The following POLR1A variants were observed in gnomAD, a reference collection of about 807,000 sequenced individuals.
POLR1A encodes the protein RNA polymerase I subunit A.
POLR1A carries 84 observed loss-of-function variants against 205.3 expected under a neutral mutation model. The ratio of observed to expected loss-of-function variants is 0.41; its 90% CI spans 0.34 to 0.49. The LOEUF is 0.49. POLR1A is among the 20% of genes least tolerant of loss of function. The pLI, the probability that POLR1A is intolerant of heterozygous loss-of-function variation, is 0.22. For synonymous variants in POLR1A, 799 were observed against 863.7 expected, an observed-to-expected ratio of 0.93 and a Z score of 1.31; for missense variants, 1,645 against 2,204.5, an observed-to-expected ratio of 0.75 and a Z score of 5.08.
chr2:86,069,547 G>A (rs932036582), intron 13 of POLR1A, among the ~76,000 whole-genome samples: 23 of 152,208 alleles, frequency 1.5e-4, no homozygotes, highest in African/African-American at 5.3e-4. Context: ...AGGATTCAAA[G>A]GGGACAGAAG....
intron 3 of POLR1A, among the ~76,000 whole-genome samples, chr2:86,091,045 C>A (rs1418997627): frequency 6.6e-6 from 1 of 152,156 alleles, no homozygotes; most frequent in Non-Finnish European, 1.5e-5. Flanking sequence ...TCTTCACCCC[C>A]CAACACATAA....
rs1025763461 is a variant in POLR1A at position 86,026,033 on chromosome 2, C to G, written c.*1390G>C. 2.6e-5 allele frequency: 4 copies of G among 152,364 alleles called. No individual in the cohort carries two copies. Among genetic ancestry groups the G allele is most frequent in the African/African-American group, 7.2e-5 (3 of 41,452 alleles). The allele number at this position is 152,364 out of a possible 1,614,324, so 9.4% of individuals were successfully genotyped here. ...GCCTCCCTTGATCCCCAACCCTACC[C>G]CTAAGGTCACAGCAGCAGCCTCCCC... On this transcript the variant is annotated 3_prime_UTR_variant, in exon 34 of 34. Coordinates refer to ENST00000263857, the MANE Select transcript of POLR1A (RefSeq NM_015425.6).
In POLR1A at chr2:86,105,855, C is replaced by G. The variant is rs1035969373; in HGVS notation, c.-79G>C. 12 of 1,283,234 alleles carry G rather than the reference C, an allele frequency of 9.4e-6. No homozygotes were observed. Among genetic ancestry groups the G allele is most frequent in the African/African-American group, 5.9e-5 (4 of 68,226 alleles). 79.5% of individuals were successfully genotyped at this position (1,283,234 alleles called of 1,614,324 possible). ...TGACTATTCTTAATTCAACCTCAAG[C>G]CCGGAGTCACCACGCGATTCAACGT... On this transcript the variant is annotated 5_prime_UTR_variant, in exon 1 of 34. Transcript: ENST00000263857.
In POLR1A at chr2:86,027,205, C is replaced by G. The variant is rs537960673; in HGVS notation, c.*218G>C. Reference sequence around the variant, plus strand: ...GTAAACCTTGATAAAAATCCAGAGACAGGGAGGGGCAAGGATGAGCAACTC... The same window carrying G: ...GTAAACCTTGATAAAAATCCAGAGAGAGGGAGGGGCAAGGATGAGCAACTC... On this transcript the variant is annotated 3_prime_UTR_variant, in exon 34 of 34. Transcript: ENST00000263857. 4.4e-5 allele frequency: 26 copies of G among 584,880 alleles called. No individual in the cohort carries two copies. The South Asian group carries it at 5.4e-4, about 12-fold the overall frequency. 36.2% of individuals were successfully genotyped at this position (584,880 alleles called of 1,614,324 possible).
In POLR1A at chr2:86,039,516, T is replaced by C. The variant is rs1672561798; in HGVS notation, c.3741-54A>G. 3.7e-6 allele frequency: 6 copies of C among 1,604,558 alleles called. 1 individual carries two copies. In the South Asian group the frequency reaches 5.5e-5, roughly 15 times the overall value. On this transcript the variant is annotated intron_variant, in intron 25 of 33. Coordinates refer to ENST00000263857, the MANE Select transcript of POLR1A (RefSeq NM_015425.6). ...ATGAGTGGCAACCAGACCTTCTGTT[T>C]GGGTGCAGCTTCTCCTAATGATGTC...
At chr2:86,104,879 G>A (rs1246773745) in intron 1 of POLR1A, among the ~76,000 whole-genome samples, 2 of 152,226 alleles carry the variant, frequency 1.3e-5, no homozygotes. Flanking sequence ...ATAAATTTGC[G>A]TTGGGGATTT....
rs1690199688 is a variant in POLR1A at position 86,023,643 on chromosome 2, C to T, written c.*3780G>A. 6.6e-6 allele frequency: 1 copy of T among 152,118 alleles called. No individual in the cohort carries two copies. The highest frequency in any genetic ancestry group is 1.5e-5 in the Non-Finnish European group (1 of 68,036). The allele number at this position is 152,118 out of a possible 1,614,324, so 9.4% of individuals were successfully genotyped here. A position where few individuals can be genotyped will look rare whatever the true frequency, so the allele number is the denominator to read the frequency against. On this transcript the variant is annotated 3_prime_UTR_variant, in exon 34 of 34. Transcript: ENST00000263857. ...TTGGTGGGAACATAAAATGGTGTAGCTGCTGTGGAAAATGGGACAGCAGTT... is the reference window on the plus strand; with the variant it reads ...TTGGTGGGAACATAAAATGGTGTAGTTGCTGTGGAAAATGGGACAGCAGTT...
chr2:86,068,391 G>T (rs554152231), intron 13 of POLR1A, among the ~76,000 whole-genome samples: 20 of 116,386 alleles, frequency 1.7e-4, no homozygotes, highest in Non-Finnish European at 2.9e-4. Context: ...ATGGGCGGGG[G>T]GGGGGGGCGG....
chr2:86,033,873 T>A, intron 27 of POLR1A, 86 bp from the exon 28 acceptor site: 2 of 1,504,890 alleles, frequency 1.3e-6, no homozygotes, highest in Non-Finnish European at 1.8e-6. Context: ...CGCTGAGGGA[T>A]TCCCACAGGG....
In POLR1A at chr2:86,052,896, G is replaced by A. The variant is rs1407913008; in HGVS notation, c.2313C>T (p.Gly771=). The A allele has an allele frequency of 5.0e-6, 8 of 1,608,004 alleles. No individual in the cohort carries two copies. Among genetic ancestry groups the A allele is most frequent in the Non-Finnish European group, 5.9e-6 (7 of 1,177,154 alleles). ...AGGTTAGAACCTTGCCGCTGGTCTC[G>A]CCTCCATAGATCTCATAGCAGCAGT... The part of the protein sequence containing the change: ...LVHCCYEIYG[G]ETSGKVLTCL... The change falls in exon 16 of 34, where the codon GGC becomes GGT. Residue 771 remains glycine (G), a synonymous_variant. Coordinates refer to ENST00000263857, the MANE Select transcript of POLR1A (RefSeq NM_015425.6).
chr2:86,049,227 A>G lies in POLR1A; in HGVS notation c.2408T>C (p.Leu803Ser). 1 of 1,613,602 alleles carries G rather than the reference A, an allele frequency of 6.2e-7. No homozygotes were observed. Among genetic ancestry groups the G allele is most frequent in the Non-Finnish European group, 8.5e-7 (1 of 1,179,498 alleles). Reference protein sequence around the residue: ...RGFTLGVEDILVKPKADVKRQ... With the variant: ...RGFTLGVEDISVKPKADVKRQ... ...CTTGACATCTGCCTTTGGCTTCACCAAAATGTCTTCCACGCCTGTGAAGTG... is the reference window on the plus strand; with the variant it reads ...CTTGACATCTGCCTTTGGCTTCACCGAAATGTCTTCCACGCCTGTGAAGTG... The change falls in exon 17 of 34, where the codon TTG (leucine) becomes TCG (serine). Residue 803 changes from leucine to serine, a missense_variant. Leu to Ser is a moderately radical substitution (Grantham distance 145, BLOSUM62 -2). Around this residue, in one of 16 missense-constraint regions of POLR1A, gnomAD observed 339 missense variants for 415.1 expected, o/e 0.82. Transcript: ENST00000263857.
chr2:86,054,343 G>A (rs187042163), intron 14 of POLR1A, 54 bp from the exon 15 acceptor site: 3 of 1,584,344 alleles, frequency 1.9e-6, no homozygotes, highest in South Asian at 1.1e-5. Flanking sequence ...ATGGCAAAAT[G>A]AGGACAAACT....
At chr2:86,105,616 T>A in intron 1 of POLR1A, 84 bp downstream of exon 1, 1 of 888,808 alleles carries the variant, frequency 1.1e-6, no homozygotes, top group Middle Eastern at 2.2e-4. Context: ...GAGGATAGAC[T>A]GGGCAAAAGC....
chr2:86,060,842 G>C (rs1025439550), intron 14 of POLR1A, among the ~76,000 whole-genome samples: 1 of 152,170 alleles, frequency 6.6e-6, no homozygotes, highest in Non-Finnish European at 1.5e-5. Flanking sequence ...AGAAACTTCT[G>C]ATCATTAGAA....
Position 86,027,054 on chromosome 2 carries a change from A to G in POLR1A, c.*369T>C, listed in dbSNP as rs1672272907. On this transcript the variant is annotated 3_prime_UTR_variant, in exon 34 of 34. Coordinates refer to ENST00000263857, the MANE Select transcript of POLR1A (RefSeq NM_015425.6). ...AGGTGCCTGGGGTCCCCAGCAGCAA[A>G]GCATGGCTTCCCCTTGGTCTTCTCA... The G allele has an allele frequency of 1.3e-5, 3 of 224,322 alleles. No homozygotes were observed. In the South Asian group the frequency reaches 2.9e-4, roughly 22 times the overall value. The allele number at this position is 224,322 out of a possible 1,614,324, so 13.9% of individuals were successfully genotyped here. A position where few individuals can be genotyped will look rare whatever the true frequency, so the allele number is the denominator to read the frequency against.
In POLR1A at chr2:86,027,507, C is replaced by G. The variant is rs148083939; in HGVS notation, c.5079G>C (p.Leu1693=). ...CCACAAGGCAGGCAGAAGGAGACCT[C>G]AGCTCATCGTGGGATCCTGACAGAG... ...QATMLGSHDE[L]RSPSACLVVG... is the part of the protein sequence containing the mutation. The change falls in exon 34 of 34, where the codon CTG becomes CTC. Residue 1693 remains leucine (L), a synonymous_variant. Coordinates refer to ENST00000263857, the MANE Select transcript of POLR1A (RefSeq NM_015425.6). 4.2e-5 allele frequency: 67 copies of G among 1,614,156 alleles called. No homozygotes were observed. In the African/African-American group the frequency reaches 8.0e-4, roughly 19 times the overall value.
chr2:86,036,367 G>A (rs993798632), intron 27 of POLR1A, among the ~76,000 whole-genome samples: 2 of 152,124 alleles, frequency 1.3e-5, no homozygotes, highest in African/African-American at 4.8e-5. Flanking sequence ...CAGAGATCTG[G>A]GGGGCCTTCT....
Position 86,066,133 on chromosome 2 carries a change from A to G in POLR1A, c.1867-668T>C, listed in dbSNP as rs535977891. On this transcript the variant is annotated intron_variant, in intron 13 of 33. Coordinates refer to ENST00000263857, the MANE Select transcript of POLR1A (RefSeq NM_015425.6). ...GGATGGTCAGAAATAGCCTCTCCGA[A>G]GGGCAGTTTCACAGTTGAGGCCTGA... 5.9e-5 allele frequency among the ~76,000 whole-genome samples: 9 copies of G among 152,316 alleles called. No individual in the cohort carries two copies. The South Asian group carries it at 1.7e-3, about 28-fold the overall frequency.
At chr2:86,046,822 T>C (rs2886885) in intron 19 of POLR1A, among the ~76,000 whole-genome samples, 104,865 of 151,792 alleles carry the variant, frequency 0.69, 37,425 homozygotes, top group African/African-American at 0.88. Context: ...GAGCAAGACT[T>C]CATCTCGAAA....
Sources: allele counts gnomAD v4.1 joint callset (sites outside exome capture counted in the v4.1 genomes callset), GRCh38; gene constraint gnomAD v4.1.1; regional missense constraint gnomAD v4.1.1; transcripts MANE v1.5; gene names NCBI Gene and HGNC (gene_info 2026-07-23, HGNC 2026-07-21).